The following MARCHF6 variants were observed in gnomAD, a reference collection of about 807,000 sequenced individuals.
The protein encoded by MARCHF6 is E3 ubiquitin-protein ligase MARCHF6.
A neutral mutation model predicts 133.7 loss-of-function variants in MARCHF6; 31 were observed. The observed-to-expected ratio is 0.23, with a 90% confidence interval of 0.17 to 0.31. MARCHF6 has a LOEUF of 0.31. MARCHF6 is among the 10% of genes least tolerant of loss of function. The probability of loss-of-function intolerance (pLI) is 1.00; values close to 1 mark genes in which losing one functional copy is unlikely to be tolerated. For synonymous variants in MARCHF6, 395 were observed against 402.5 expected, an observed-to-expected ratio of 0.98 and a Z score of 0.22; for missense variants, 723 against 1,121.6, an observed-to-expected ratio of 0.64 and a Z score of 5.08.
Position 10,387,916 on chromosome 5 carries a change from C to T in MARCHF6, c.407+850C>T, listed in dbSNP as rs146316788. On this transcript the variant is annotated intron_variant, in intron 5 of 25. Transcript: ENST00000274140. ...ACCTCAAGTAATCTGCCTGCCTCGG[C>T]CTCTCAAAGTGCTGGGGTTACAGGC... Among the ~76,000 whole-genome samples the T allele has an allele frequency of 4.7e-4, 71 of 152,084 alleles. 1 individual carries two copies. The East Asian group carries it at 0.013, about 27-fold the overall frequency.
chr5:10,364,089 A>G (rs1735983488), intron 1 of MARCHF6, among the ~76,000 whole-genome samples: 1 of 152,256 alleles, frequency 6.6e-6, no homozygotes, highest in African/African-American at 2.4e-5. Context: ...GGTGAACTTT[A>G]TGACATATAT....
At chr5:10,361,565 C>T (rs1297398482) in intron 1 of MARCHF6, among the ~76,000 whole-genome samples, 1 of 152,104 alleles carries the variant, frequency 6.6e-6, no homozygotes, top group Non-Finnish European at 1.5e-5. Context: ...CTAAGGACCT[C>T]ATTTTAACTT....
intron 25 of MARCHF6, among the ~76,000 whole-genome samples, chr5:10,432,729 A>C (rs1333846409): frequency 1.3e-5 from 2 of 152,056 alleles, no homozygotes; most frequent in African/African-American, 4.8e-5. Context: ...TCACATACAT[A>C]AGTTAGGAAC....
intron 22 of MARCHF6, among the ~76,000 whole-genome samples, chr5:10,418,064 A>G (rs191295998): frequency 3.9e-5 from 6 of 152,274 alleles, no homozygotes; most frequent in African/African-American, 1.4e-4. Context: ...ATGTTTTCCC[A>G]CAAAGTCACA....
At chr5:10,374,766 A>G (rs990017872) in intron 1 of MARCHF6, among the ~76,000 whole-genome samples, 1 of 152,218 alleles carries the variant, frequency 6.6e-6, no homozygotes, top group Non-Finnish European at 1.5e-5. Context: ...CCCATGACCC[A>G]CTAGCAGCTT....
At chr5:10,431,653 GAGTGTA>G (rs1422208956) in intron 25 of MARCHF6, among the ~76,000 whole-genome samples, 1 of 147,018 alleles carries the variant, frequency 6.8e-6, no homozygotes, top group African/African-American at 2.7e-5. Flanking sequence ...GTGTGTGTGA[GAGTGTA>G]TGTGTGTGTG....
At chr5:10,418,090 G>A (rs1391007048) in intron 22 of MARCHF6, among the ~76,000 whole-genome samples, 1 of 152,116 alleles carries the variant, frequency 6.6e-6, no homozygotes, top group African/African-American at 2.4e-5. Context: ...ATTAAAAAGA[G>A]TATCCTGGCT....
intron 14 of MARCHF6, 106 bp downstream of exon 14, chr5:10,402,713 G>C: frequency 9.7e-7 from 1 of 1,032,466 alleles, no homozygotes; most frequent in Non-Finnish European, 1.5e-6. Flanking sequence ...TTGATAATTT[G>C]CTTATTCTTT....
chr5:10,383,251 A>G (rs928060131), intron 4 of MARCHF6, among the ~76,000 whole-genome samples: 11 of 152,236 alleles, frequency 7.2e-5, no homozygotes, highest in Admixed American at 4.6e-4. Context: ...AGTTACAAGT[A>G]TGAGAAATAA....
At chr5:10,431,269 C>G (rs1740344087) in intron 25 of MARCHF6, among the ~76,000 whole-genome samples, 1 of 152,126 alleles carries the variant, frequency 6.6e-6, no homozygotes, top group Non-Finnish European at 1.5e-5. Flanking sequence ...AAATCAACTT[C>G]TTAGCACTCA....
chr5:10,410,266 G>A lies in MARCHF6; in HGVS notation c.1681G>A (p.Gly561Arg), dbSNP rs1739142675. The A allele has an allele frequency of 1.2e-6, 2 of 1,612,420 alleles. No individual in the cohort carries two copies. The highest frequency in any genetic ancestry group is 1.3e-5 in the African/African-American group (1 of 74,814). ...GGTGCGAGCGTGGACTGTGACCGCC[G>A]GATACTTGCTGTGAGTATGGGCAGC... Reference protein sequence around the residue: ...GLVRAWTVTAGYLLDLHSYLL... With the variant: ...GLVRAWTVTARYLLDLHSYLL... The change falls in exon 18 of 26, where the codon GGA (glycine) becomes AGA (arginine). Residue 561 changes from glycine to arginine, a missense_variant. This residue lies in a region of MARCHF6 where 492 missense variants were observed against 699.5 expected (regional missense o/e 0.70). Coordinates refer to ENST00000274140, the MANE Select transcript of MARCHF6 (RefSeq NM_005885.4).
chr5:10,435,114 G>A lies in MARCHF6; in HGVS notation c.*1430G>A, dbSNP rs184447421. The A allele has an allele frequency of 1.3e-5, 2 of 152,662 alleles. No individual in the cohort carries two copies. The highest frequency in any genetic ancestry group is 1.3e-4 in the Admixed American group (2 of 15,288). 9.5% of individuals were successfully genotyped at this position (152,662 alleles called of 1,614,324 possible). On this transcript the variant is annotated 3_prime_UTR_variant, in exon 26 of 26. Coordinates refer to ENST00000274140, the MANE Select transcript of MARCHF6 (RefSeq NM_005885.4). ...ACATAGGTCTTCAGAAACTATAAAAGAATTTTCATATAGTATTAAAATCCA... is the reference window on the plus strand; with the variant it reads ...ACATAGGTCTTCAGAAACTATAAAAAAATTTTCATATAGTATTAAAATCCA...
intron 18 of MARCHF6, among the ~76,000 whole-genome samples, chr5:10,410,574 C>T (rs1229328651): frequency 6.6e-6 from 1 of 151,450 alleles, no homozygotes; most frequent in Non-Finnish European, 1.5e-5. Context: ...AACCAGTTTA[C>T]CTTTATTTAG....
intron 3 of MARCHF6, among the ~76,000 whole-genome samples, chr5:10,381,210 C>T (rs1214249249): frequency 6.6e-6 from 1 of 152,054 alleles, no homozygotes; most frequent in African/African-American, 2.4e-5. Context: ...TTTTCTTTTT[C>T]TGAATGTGTT....
chr5:10,387,483 A>G (rs761432311), intron 5 of MARCHF6, among the ~76,000 whole-genome samples: 15 of 151,642 alleles, frequency 9.9e-5, no homozygotes, highest in African/African-American at 3.7e-4. Flanking sequence ...TTGTATTTTT[A>G]GTAGAGACAG....
chr5:10,390,206 A>G, intron 5 of MARCHF6, 126 bp from the exon 6 acceptor site: 2 of 737,458 alleles, frequency 2.7e-6, no homozygotes, highest in Admixed American at 5.7e-5. Flanking sequence ...CATCCAAAAA[A>G]TTATGATTTA....
intron 22 of MARCHF6, 139 bp downstream of exon 22, chr5:10,417,543 C>A: frequency 1.9e-6 from 2 of 1,052,386 alleles, no homozygotes; most frequent in Non-Finnish European, 2.8e-6. Flanking sequence ...CCCAGGAGTT[C>A]GAGACCAGCC....
At chr5:10,407,488 A>C (rs549386617) in intron 17 of MARCHF6, among the ~76,000 whole-genome samples, 1 of 152,354 alleles carries the variant, frequency 6.6e-6, no homozygotes, top group South Asian at 2.1e-4. Context: ...TCTGCGCATA[A>C]AGTATGCATT....
At chr5:10,405,925 C>G (rs1738857863) in intron 16 of MARCHF6, among the ~76,000 whole-genome samples, 3 of 152,026 alleles carry the variant, frequency 2.0e-5, no homozygotes, top group Admixed American at 6.6e-5. Context: ...TTCAGGGGTC[C>G]CTAGCCCCCA....
Sources: allele counts gnomAD v4.1 joint callset (sites outside exome capture counted in the v4.1 genomes callset), GRCh38; gene constraint gnomAD v4.1.1; regional missense constraint gnomAD v4.1.1; transcripts MANE v1.5; gene names NCBI Gene and HGNC (gene_info 2026-07-23, HGNC 2026-07-21).